The following EML4 variants were observed in gnomAD, a reference collection of about 807,000 sequenced individuals.
EML4 encodes the protein EMAP like 4, also known as echinoderm microtubule-associated protein-like 4.
Under a neutral mutation model 129.0 loss-of-function variants are expected in EML4, and 72 were observed. The ratio of observed to expected loss-of-function variants is 0.56; its 90% CI spans 0.46 to 0.68. The LOEUF is 0.68. Ranked by LOEUF, EML4 falls within the 30% of genes least tolerant of loss-of-function variation. The pLI is 0.00. For synonymous variants in EML4, 532 were observed against 405.0 expected (o/e 1.31, Z -3.77); for missense variants, 1,363 against 1,190.6 (o/e 1.14, Z -2.13).
chr2:42,269,179 C>T (rs185631982), intron 6 of EML4, among the ~76,000 whole-genome samples: 1 of 152,268 alleles, frequency 6.6e-6, no homozygotes, highest in Non-Finnish European at 1.5e-5. Context: ...ATTAAAAATA[C>T]TTGAAAAGTC....
At chr2:42,237,228 C>A (rs1321928046) in intron 1 of EML4, among the ~76,000 whole-genome samples, 3 of 152,156 alleles carry the variant, frequency 2.0e-5, no homozygotes, top group Non-Finnish European at 4.4e-5. Context: ...AGCTACCATG[C>A]CCAGTCTGGA....
At chr2:42,275,945 T>C (rs1263032638) in intron 6 of EML4, among the ~76,000 whole-genome samples, 1 of 152,168 alleles carries the variant, frequency 6.6e-6, no homozygotes, top group Admixed American at 6.5e-5. Context: ...CCATCCCTTA[T>C]TGAGTTTCCT....
chr2:42,244,532 T>G (rs1440134055), intron 1 of EML4, among the ~76,000 whole-genome samples: 3 of 152,236 alleles, frequency 2.0e-5, no homozygotes, highest in African/African-American at 7.2e-5. Context: ...GTCTTTCTCT[T>G]GTTGCTGTTA....
intron 6 of EML4, among the ~76,000 whole-genome samples, chr2:42,270,415 C>T (rs927762621): frequency 6.6e-6 from 1 of 152,112 alleles, no homozygotes; most frequent in Non-Finnish European, 1.5e-5. Flanking sequence ...AAAAAATTAA[C>T]GAGGCGTGGT....
chr2:42,202,098 A>T (rs1425696904), intron 1 of EML4, among the ~76,000 whole-genome samples: 3 of 150,592 alleles, frequency 2.0e-5, no homozygotes, highest in South Asian at 2.1e-4. Flanking sequence ...AAAAAAAAAG[A>T]AGTAGAAAGT....
In EML4 at chr2:42,169,460, G is replaced by A; in HGVS notation, c.-152G>A. 1.2e-6 allele frequency: 1 copy of A among 858,476 alleles called. No individual in the cohort carries two copies. The highest frequency in any genetic ancestry group is 1.7e-6 in the Non-Finnish European group (1 of 577,536). The allele number at this position is 858,476 out of a possible 1,614,324, so 53.2% of individuals were successfully genotyped here. On this transcript the variant is annotated 5_prime_UTR_variant, in exon 1 of 23. Transcript: ENST00000318522. Reference sequence around the variant, plus strand: ...CGGGCGGCCGCGGCTTACTACCCCAGGGCGAACGGACGGACGACGGAGGCG... The same window carrying A: ...CGGGCGGCCGCGGCTTACTACCCCAAGGCGAACGGACGGACGACGGAGGCG...
intron 1 of EML4, among the ~76,000 whole-genome samples, chr2:42,171,139 A>T (rs1670250328): frequency 6.6e-6 from 1 of 152,162 alleles, no homozygotes; most frequent in South Asian, 2.1e-4. Context: ...TTTTAGAGAG[A>T]CATCCATTTT....
chr2:42,176,365 C>T (rs1670603000), intron 1 of EML4, among the ~76,000 whole-genome samples: 1 of 152,192 alleles, frequency 6.6e-6, no homozygotes, highest in Admixed American at 6.5e-5. Context: ...ACAGGGCCCT[C>T]AGATTTATCT....
Position 42,331,465 on chromosome 2 carries a change from GT to G in EML4, c.*1259del, listed in dbSNP as rs1314196889. Reference sequence around the variant, plus strand: ...TTTCAGTACATTTCCTACTTTAAGAGTAATTACTGACAAATATGTATTTCCT... The same window carrying G: ...TTTCAGTACATTTCCTACTTTAAGAGAATTACTGACAAATATGTATTTCCT... On this transcript the variant is annotated 3_prime_UTR_variant, in exon 23 of 23. Coordinates refer to ENST00000318522, the MANE Select transcript of EML4 (RefSeq NM_019063.5). 2 of 222,728 alleles carry G rather than the reference GT, an allele frequency of 9.0e-6. No individual in the cohort carries two copies. The highest frequency in any genetic ancestry group is 1.8e-5 in the Non-Finnish European group (2 of 111,290). The allele number at this position is 222,728 out of a possible 1,614,324, so 13.8% of individuals were successfully genotyped here. A position where few individuals can be genotyped will look rare whatever the true frequency, so the allele number is the denominator to read the frequency against.
intron 1 of EML4, among the ~76,000 whole-genome samples, chr2:42,199,192 G>C (rs1308378953): frequency 6.6e-6 from 1 of 152,200 alleles, no homozygotes; most frequent in African/African-American, 2.4e-5. Flanking sequence ...AAGATAATGA[G>C]TTTTAAGATT....
At chr2:42,217,428 G>T (rs1673268649) in intron 1 of EML4, among the ~76,000 whole-genome samples, 1 of 152,074 alleles carries the variant, frequency 6.6e-6, no homozygotes, top group Non-Finnish European at 1.5e-5. Context: ...CATTCTTCAT[G>T]TTATAGATTC....
At position 42,295,270 on chromosome 2, in the gene EML4, G is replaced by A; in HGVS notation, c.1353+11G>A. On this transcript the variant is annotated intron_variant, in intron 12 of 22. Transcript: ENST00000318522. ...CAGGGAATTTTTGGGGTAAGAATCA[G>A]ATTGTTTTAATGTCATTAGGTGTAT... 6.2e-7 allele frequency: 1 copy of A among 1,612,498 alleles called. No homozygotes were observed. Among genetic ancestry groups the A allele is most frequent in the South Asian group, 1.1e-5 (1 of 90,554 alleles).
At chr2:42,192,390 C>T (rs1671646785) in intron 1 of EML4, among the ~76,000 whole-genome samples, 1 of 151,818 alleles carries the variant, frequency 6.6e-6, no homozygotes, top group Non-Finnish European at 1.5e-5. Context: ...CAGGCACCCA[C>T]CACCATGCCT....
At chr2:42,269,015 C>A (rs1666222890) in intron 6 of EML4, among the ~76,000 whole-genome samples, 1 of 152,138 alleles carries the variant, frequency 6.6e-6, no homozygotes, top group Non-Finnish European at 1.5e-5. Context: ...TACTGTGCTG[C>A]CTCCCTGCTC....
At chr2:42,204,673 G>A (rs955219481) in intron 1 of EML4, among the ~76,000 whole-genome samples, 2 of 152,168 alleles carry the variant, frequency 1.3e-5, no homozygotes, top group African/African-American at 4.8e-5. Context: ...GATGGTGATG[G>A]GATCAGATTT....
intron 1 of EML4, among the ~76,000 whole-genome samples, chr2:42,184,177 C>G (rs1671110300): frequency 6.6e-6 from 1 of 152,114 alleles, no homozygotes; most frequent in Admixed American, 6.6e-5. Context: ...TCACTCTATT[C>G]TTACTTAACC....
chr2:42,246,587 G>A (rs1279962913), intron 2 of EML4, among the ~76,000 whole-genome samples: 1 of 152,194 alleles, frequency 6.6e-6, no homozygotes, highest in Non-Finnish European at 1.5e-5. Context: ...GTTTCTGAAT[G>A]TTGTTTAGGG....
chr2:42,325,600 A>ATT lies in EML4; in HGVS notation c.2242+48_2242+49dup, dbSNP rs778300382. 4.5e-4 allele frequency: 56 copies of ATT among 125,714 alleles called. 1 individual carries two copies. Among genetic ancestry groups the ATT allele is most frequent in the African/African-American group, 2.2e-3 (50 of 22,902 alleles). 7.8% of individuals were successfully genotyped at this position (125,714 alleles called of 1,614,324 possible). On this transcript the variant is annotated intron_variant, in intron 20 of 22. Coordinates refer to ENST00000318522, the MANE Select transcript of EML4 (RefSeq NM_019063.5). The stretch of plus-strand genomic sequence containing the variant: ...ATATATATATATATGCTATGATTAT[A>ATT]TTTATATATATATATATATATATAT...
chr2:42,317,606 T>C lies in EML4; in HGVS notation c.2154+82T>C. On this transcript the variant is annotated intron_variant, in intron 19 of 22. Transcript: ENST00000318522. ...AAACAAATTTTTACATCGATGTGTG[T>C]GTTGTTTCCTGTCGTTAGCTGCTTT... 3.4e-6 allele frequency: 3 copies of C among 870,522 alleles called. No individual in the cohort carries two copies. In the South Asian group the frequency reaches 4.7e-5, roughly 14 times the overall value. The allele number at this position is 870,522 out of a possible 1,614,324, so 53.9% of individuals were successfully genotyped here.
Sources: allele counts gnomAD v4.1 joint callset (sites outside exome capture counted in the v4.1 genomes callset), GRCh38; gene constraint gnomAD v4.1.1; transcripts MANE v1.5; gene names NCBI Gene and HGNC (gene_info 2026-07-23, HGNC 2026-07-21).